Variants in WDR90 observed in about 807,000 individuals in gnomAD.
WDR90 encodes WD repeat-containing protein 90.
A neutral mutation model predicts 195.2 loss-of-function variants in WDR90; 238 were observed. The ratio of observed to expected loss-of-function variants is 1.22; its 90% CI spans 1.10 to 1.36. The LOEUF is 1.36. Ranked by LOEUF, WDR90 falls within the 40% of genes most tolerant of loss-of-function variation. The pLI is 0.00. For missense variants in WDR90, 2,734 were observed against 2,439.5 expected, an observed-to-expected ratio of 1.12 and a Z score of -2.54; for synonymous variants, 1,265 against 1,052.4, an observed-to-expected ratio of 1.20 and a Z score of -3.91.
At chr16:652,641 T>A in intron 10 of WDR90, 106 bp downstream of exon 10, 1 of 1,233,328 alleles carries the variant, frequency 8.1e-7, no homozygotes. Flanking sequence ...TGGCTGTGTG[T>A]GGGCTCCCGA....
intron 26 of WDR90, 55 bp from the exon 27 acceptor site, chr16:660,003 T>A: frequency 7.6e-7 from 1 of 1,316,276 alleles, no homozygotes. Flanking sequence ...TAGTGTGGGG[T>A]CTCTGAAGAG....
chr16:653,898 G>A, intron 13 of WDR90, 95 bp downstream of exon 13: 7 of 1,477,636 alleles, frequency 4.7e-6, no homozygotes, highest in Non-Finnish European at 6.5e-6. Context: ...AGCTTCATGT[G>A]ACCCTGGGTC....
At position 652,013 on chromosome 16, in the gene WDR90, C is replaced by T. The variant is rs749986353; in HGVS notation, c.1027C>T (p.Pro343Ser). ...HVLTHESAEV[P>S]VARTGSCEGF... The stretch of plus-strand genomic sequence containing the variant: ...GTTGACTCACGAGTCGGCTGAGGTG[C>T]CCGTGGCCCGCACCGGCTCCTGCGA... Residue 343 changes from proline to serine, a missense_variant, in exon 9 of 41, where the codon CCC becomes TCC. Physicochemically the swap from Pro to Ser is moderately conservative, Grantham distance 74. Transcript: ENST00000293879. 6.2e-6 allele frequency: 10 copies of T among 1,601,160 alleles called. No homozygotes were observed. Among genetic ancestry groups the T allele is most frequent in the African/African-American group, 1.3e-5 (1 of 74,758 alleles).
chr16:658,952 G>C lies in WDR90; in HGVS notation c.2952G>C (p.Gln984His), dbSNP rs1442219907. The C allele has an allele frequency of 2.5e-6, 4 of 1,612,902 alleles. 1 individual carries two copies. In the South Asian group the frequency reaches 4.4e-5, roughly 18 times the overall value. The change falls in exon 24 of 41, where the codon CAG (glutamine) becomes CAC (histidine). Residue 984 changes from glutamine to histidine, a missense_variant. Physicochemically the swap from Gln to His is conservative, Grantham distance 24. Coordinates refer to ENST00000293879, the MANE Select transcript of WDR90 (RefSeq NM_145294.5). ...VQAVAFSPDQ[Q>H]QVLSAGDAVF... ...CTGTGGCCTTCTCTCCTGACCAGCA[G>C]CAGGTCCTCAGCGCAGGGGACGCCG...
rs201545509 is a variant in WDR90, at chr16:659,162, C to T, written c.3052+36C>T. The T allele has an allele frequency of 8.6e-4, 1,382 of 1,609,954 alleles. 23 individuals carry two copies. In the East Asian group the frequency reaches 0.028, roughly 33 times the overall value. ...GTGCTCAGCTGGGGTGCAGGTGCTG[C>T]GCTGACTCTGGGGCCCGTCCTGTGT... On this transcript the variant is annotated intron_variant, in intron 25 of 40. Transcript: ENST00000293879.
chr16:653,948 C>A, intron 13 of WDR90, 145 bp downstream of exon 13: 1 of 1,027,596 alleles, frequency 9.7e-7, no homozygotes. Context: ...TCCCTGCACT[C>A]TGGTGTTCAT....
chr16:662,633 G>T (rs781444241), intron 33 of WDR90, 46 bp from the exon 34 acceptor site: 6 of 1,516,172 alleles, frequency 4.0e-6, no homozygotes, highest in Non-Finnish European at 4.4e-6. Context: ...CTTGTCATCG[G>T]CCTTGAGACC....
intron 40 of WDR90, 29 bp from the exon 41 acceptor site, chr16:667,403 C>T: frequency 6.4e-7 from 1 of 1,573,162 alleles, no homozygotes; most frequent in Non-Finnish European, 8.7e-7. Context: ...TGGTCCTGGC[C>T]CTGGCCCACC....
intron 34 of WDR90, 157 bp downstream of exon 34, chr16:663,001 G>A (rs941405891): frequency 4.7e-5 from 54 of 1,153,430 alleles, no homozygotes; most frequent in Non-Finnish European, 6.4e-5. Context: ...TCTTGGGTGT[G>A]CACGTCCCCT....
intron 13 of WDR90, chr16:654,045 A>C: frequency 1.7e-6 from 1 of 578,332 alleles, no homozygotes; most frequent in Admixed American, 3.1e-5. Flanking sequence ...GGTTTAAGCC[A>C]GCGTTTACAC....
In WDR90 at chr16:660,133, G is replaced by C; in HGVS notation, c.3260G>C (p.Arg1087Thr). 2.6e-6 allele frequency: 4 copies of C among 1,539,250 alleles called. No individual in the cohort carries two copies. Among genetic ancestry groups the C allele is most frequent in the Non-Finnish European group, 3.5e-6 (4 of 1,139,482 alleles). Residue 1087 changes from arginine to threonine, a missense_variant, in exon 27 of 41, where the codon AGG becomes ACG. Physicochemically the swap from Arg to Thr is moderately conservative, Grantham distance 71. Transcript: ENST00000293879. ...TCCTGCAAGGCCTTCACGCCTGCCA[G>C]GGTCAGCTGCAGCCCCCACTCTGCC... ...LASCKAFTPA[R>T]VSCSPHSAKG...
Position 650,001 on chromosome 16 carries a change from TGAAGG to T in WDR90, c.115_119del (p.Lys39ArgfsTer19), listed in dbSNP as rs2037609102. ...CTCCCGCTTCTCCAGGACAAGACCC[TGAAGG>T]GCGCCGTGTATCGCATTCGGGGCTC... is the stretch of plus-strand genomic sequence containing the variant. On this transcript the variant is annotated frameshift_variant, in exon 3 of 41. Coordinates refer to ENST00000293879, the MANE Select transcript of WDR90 (RefSeq NM_145294.5). LOFTEE classifies it high-confidence loss of function. 1.2e-6 allele frequency: 2 copies of T among 1,612,582 alleles called. No homozygotes were observed. Among genetic ancestry groups the T allele is most frequent in the African/African-American group, 2.7e-5 (2 of 74,934 alleles).
chr16:661,087 T>TGGA lies in WDR90; in HGVS notation c.3432_3434dup (p.Glu1144dup). 2 of 1,450,750 alleles carry TGGA rather than the reference T, an allele frequency of 1.4e-6. No homozygotes were observed. The highest frequency in any genetic ancestry group is 2.4e-5 in the South Asian group (2 of 82,974). 89.9% of individuals were successfully genotyped at this position (1,450,750 alleles called of 1,614,324 possible). A position where few individuals can be genotyped will look rare whatever the true frequency, so the allele number is the denominator to read the frequency against. ...TACACGTGCGGCCGCCTGGTGGTGG[T>TGGA]GGAGGACCTGCACTCTGGCGCCCAG... is the stretch of plus-strand genomic sequence containing the variant. On this transcript the variant is annotated inframe_insertion, in exon 29 of 41. Coordinates refer to ENST00000293879, the MANE Select transcript of WDR90 (RefSeq NM_145294.5).
chr16:658,523 A>G lies in WDR90; in HGVS notation c.2767-2A>G. On this transcript the variant is annotated splice_acceptor_variant, in intron 22 of 40. Coordinates refer to ENST00000293879, the MANE Select transcript of WDR90 (RefSeq NM_145294.5). LOFTEE classifies it high-confidence loss of function. Reference sequence around the variant, plus strand: ...GCATTTCCCAAGAGCACTGTGTTCCAGCTGCCCGGTGTCCACCCTGAGCCC... The same window carrying G: ...GCATTTCCCAAGAGCACTGTGTTCCGGCTGCCCGGTGTCCACCCTGAGCCC... 6.2e-7 allele frequency: 1 copy of G among 1,607,572 alleles called. No homozygotes were observed. Among genetic ancestry groups the G allele is most frequent in the Non-Finnish European group, 8.5e-7 (1 of 1,176,040 alleles).
In WDR90 at chr16:651,703, C is replaced by T. The variant is rs201191904; in HGVS notation, c.796C>T (p.Arg266Trp). 6.1e-5 allele frequency: 99 copies of T among 1,613,032 alleles called. No homozygotes were observed. Among genetic ancestry groups the T allele is most frequent in the South Asian group, 2.0e-4 (18 of 91,088 alleles). ...CCCGGTGGCCTCCAGCAAACCTGTG[C>T]GGTTCAGTGTGTCTCCAGTGGTCCA... is the stretch of plus-strand genomic sequence containing the variant. ...PCPVASSKPV[R>W]FSVSPVVQTP... Residue 266 changes from arginine (R) to tryptophan (W), a missense_variant, in exon 8 of 41, where the codon CGG becomes TGG. Physicochemically the swap from Arg to Trp is moderately radical, Grantham distance 101. Transcript: ENST00000293879.
rs1320056682 is a variant in WDR90 at position 661,417 on chromosome 16, C to G, written c.3589C>G (p.Leu1197Val). 1.2e-6 allele frequency: 2 copies of G among 1,612,304 alleles called. No homozygotes were observed. The highest frequency in any genetic ancestry group is 2.2e-5 in the East Asian group (1 of 44,880). Residue 1197 changes from leucine (L) to valine (V), a missense_variant, in exon 30 of 41, where the codon CTC (leucine) becomes GTC (valine). By Grantham distance (32) the Leu-to-Val change is conservative. Transcript: ENST00000293879. The part of the protein sequence containing the change: ...QIRVWDVSGG[L>V]CQHLIFPHST... The stretch of plus-strand genomic sequence containing the variant: ...CCGCGTCTGGGACGTGTCTGGCGGC[C>G]TCTGCCAGCATCTCATTTTCCCCCA...
rs987472815 is a variant in WDR90 at position 656,854 on chromosome 16, G to A, written c.2325G>A (p.Glu775=). The A allele has an allele frequency of 4.3e-6, 7 of 1,612,822 alleles. No individual in the cohort carries two copies. The highest frequency in any genetic ancestry group is 5.9e-6 in the Non-Finnish European group (7 of 1,179,916). ...AVRSFSLEAA[E]VLVEHTCHRG... ...GCTCCTTCAGCCTGGAGGCCGCTGA[G>A]GTCCTGGTGGAACACACGTAAGTGC... Residue 775 remains glutamate, a synonymous_variant, in exon 19 of 41, where the codon GAG becomes GAA. Coordinates refer to ENST00000293879, the MANE Select transcript of WDR90 (RefSeq NM_145294.5).
intron 3 of WDR90, 36 bp from the exon 4 acceptor site, chr16:650,218 C>T: frequency 6.2e-7 from 1 of 1,610,958 alleles, no homozygotes; most frequent in Non-Finnish European, 8.5e-7. Context: ...ACCCCTGCGG[C>T]CCCTGTCTCC....
intron 34 of WDR90, chr16:663,424 A>C: frequency 6.8e-5 from 10 of 146,232 alleles, no homozygotes; most frequent in Middle Eastern, 2.6e-3. Context: ...GGCGACAGAG[A>C]CTCCATCTCA....
Sources: allele counts gnomAD v4.1 joint callset, GRCh38; gene constraint gnomAD v4.1.1; transcripts MANE v1.5; gene names NCBI Gene and HGNC (gene_info 2026-07-23, HGNC 2026-07-21).